The following AFF3 variants were observed in gnomAD, a reference collection of about 807,000 sequenced individuals.
AFF3 encodes the protein ALF transcription elongation factor 3.
AFF3 carries 32 observed loss-of-function variants against 129.7 expected under a neutral mutation model. The observed-to-expected ratio is 0.25, with a 90% CI of 0.19 to 0.33. The LOEUF (loss-of-function observed/expected upper bound fraction) is 0.33. Ranked by LOEUF, AFF3 falls within the 10% of genes least tolerant of loss-of-function variation. AFF3 has a pLI of 1.00. For synonymous variants in AFF3, 644 were observed against 635.4 expected (o/e 1.01, Z -0.20); for missense variants, 1,373 against 1,592.0 (o/e 0.86, Z 2.34).
chr2:100,114,328 T>C lies in AFF3; in HGVS notation c.-144-8745A>G, dbSNP rs566374893. On this transcript the variant is annotated intron_variant, in intron 2 of 24. Transcript: ENST00000672756. ...AGAGCTTTAGACAAAGATAGCACCC[T>C]TCTAAGGGTACGGCCCTGTGTGACT... Among the ~76,000 whole-genome samples, 21 of 152,314 alleles carry C rather than the reference T, an allele frequency of 1.4e-4. No homozygotes were observed. The South Asian group carries it at 4.3e-3, about 32-fold the overall frequency.
intron 13 of AFF3, among the ~76,000 whole-genome samples, chr2:99,633,478 C>T (rs1193637856): frequency 6.6e-6 from 1 of 152,162 alleles, no homozygotes; most frequent in Non-Finnish European, 1.5e-5. Context: ...GAAAGGAAAA[C>T]AGCTCCAGGG....
chr2:99,674,915 GCTTA>G (rs1156821127), intron 11 of AFF3, among the ~76,000 whole-genome samples: 1 of 152,186 alleles, frequency 6.6e-6, no homozygotes, highest in Non-Finnish European at 1.5e-5. Context: ...AGGGAATGCA[GCTTA>G]CTTCTGTTTA....
chr2:99,700,513 C>T (rs1303274699), intron 11 of AFF3, among the ~76,000 whole-genome samples: 5 of 152,234 alleles, frequency 3.3e-5, no homozygotes, highest in Non-Finnish European at 7.3e-5. Flanking sequence ...TCAAAATCTT[C>T]AGTTAAGATA....
intron 9 of AFF3, among the ~76,000 whole-genome samples, chr2:99,747,486 G>A (rs11888741): frequency 0.74 from 112,186 of 151,930 alleles, 42,287 homozygotes; most frequent in East Asian, 0.92. Context: ...ATGCCTAGCT[G>A]AAATTGTTAA....
At chr2:100,081,856 C>T (rs892146967) in intron 4 of AFF3, among the ~76,000 whole-genome samples, 9 of 152,130 alleles carry the variant, frequency 5.9e-5, no homozygotes, top group African/African-American at 2.2e-4. Flanking sequence ...AAATCAGATT[C>T]CAGTGAGTGG....
chr2:99,918,118 C>G (rs992471139), intron 7 of AFF3, among the ~76,000 whole-genome samples: 3 of 152,088 alleles, frequency 2.0e-5, no homozygotes, highest in Non-Finnish European at 2.9e-5. Context: ...AACTCTCTCG[C>G]TTATTATTTA....
At chr2:99,879,062 C>CACTG (rs1486165637) in intron 7 of AFF3, among the ~76,000 whole-genome samples, 1 of 152,156 alleles carries the variant, frequency 6.6e-6, no homozygotes, top group African/African-American at 2.4e-5. Context: ...GGGTAAGAAG[C>CACTG]ACTGAAGTGA....
At chr2:99,585,940 AGGCT>A (rs1325964672) in intron 16 of AFF3, among the ~76,000 whole-genome samples, 2 of 152,120 alleles carry the variant, frequency 1.3e-5, no homozygotes, top group East Asian at 3.9e-4. Context: ...CATATTGGCC[AGGCT>A]GGTCTTGAAC....
chr2:100,076,925 T>C lies in AFF3; in HGVS notation c.53+27477A>G, dbSNP rs563287686. Among the ~76,000 whole-genome samples, 170 of 152,274 alleles carry C rather than the reference T, an allele frequency of 1.1e-3. 1 individual carries two copies. The highest frequency in any genetic ancestry group is 2.0e-3 in the Non-Finnish European group (136 of 68,022). ...CAACCTCTGAATGTGTTCCCTTCTA[T>C]GACTTAAGAGACTGTGCAGATGTAA... On this transcript the variant is annotated intron_variant, in intron 4 of 24. Coordinates refer to ENST00000672756, the MANE Select transcript of AFF3 (RefSeq NM_001386135.1).
At chr2:99,642,360 CCT>C (rs768365648) in intron 13 of AFF3, among the ~76,000 whole-genome samples, 3 of 151,844 alleles carry the variant, frequency 2.0e-5, no homozygotes, top group African/African-American at 7.3e-5. Flanking sequence ...ATTTCTTCCC[CCT>C]GTGTGTTTGG....
intron 7 of AFF3, among the ~76,000 whole-genome samples, chr2:99,929,647 C>T (rs1320104821): frequency 2.0e-5 from 3 of 152,192 alleles, no homozygotes; most frequent in African/African-American, 7.2e-5. Flanking sequence ...ACAAAGCACA[C>T]TCTGACATCA....
chr2:100,045,674 AACC>A (rs1685777107), intron 4 of AFF3, among the ~76,000 whole-genome samples: 1 of 151,810 alleles, frequency 6.6e-6, no homozygotes, highest in Non-Finnish European at 1.5e-5. Flanking sequence ...CAGCAAGCCC[AACC>A]CTTCTTCTTC....
chr2:99,555,962 ATC>A (rs1674878059), intron 22 of AFF3, among the ~76,000 whole-genome samples: 2 of 152,194 alleles, frequency 1.3e-5, no homozygotes, highest in Admixed American at 1.3e-4. Context: ...AGGGGAGCTT[ATC>A]CTCCCTTTCT....
chr2:99,569,646 G>A (rs1676296582), intron 18 of AFF3, among the ~76,000 whole-genome samples: 1 of 152,160 alleles, frequency 6.6e-6, no homozygotes, highest in African/African-American at 2.4e-5. Context: ...ACTGATTTGA[G>A]TGTGTGTAAT....
chr2:99,986,080 A>G (rs1248038424), intron 7 of AFF3, among the ~76,000 whole-genome samples: 1 of 151,800 alleles, frequency 6.6e-6, no homozygotes, highest in Non-Finnish European at 1.5e-5. Context: ...GGGTGCCTAT[A>G]GTCCCAGCTA....
chr2:99,838,112 C>G (rs1396072441), intron 7 of AFF3, among the ~76,000 whole-genome samples: 1 of 152,176 alleles, frequency 6.6e-6, no homozygotes, highest in Non-Finnish European at 1.5e-5. Context: ...TCAGCCTGCC[C>G]TGTGCTGTGC....
chr2:99,760,770 C>A (rs1165890180), intron 8 of AFF3, among the ~76,000 whole-genome samples: 4 of 152,134 alleles, frequency 2.6e-5, no homozygotes, highest in African/African-American at 9.7e-5. Flanking sequence ...TAGCTGGCGA[C>A]CTTCGGATCT....
At chr2:99,892,571 A>C (rs908760702) in intron 7 of AFF3, among the ~76,000 whole-genome samples, 4 of 152,188 alleles carry the variant, frequency 2.6e-5, no homozygotes, top group African/African-American at 9.7e-5. Context: ...CTCTGAAAGA[A>C]AGCAGGCCTA....
intron 13 of AFF3, among the ~76,000 whole-genome samples, chr2:99,621,755 T>C (rs1228099616): frequency 6.6e-6 from 1 of 152,184 alleles, no homozygotes; most frequent in Non-Finnish European, 1.5e-5. Flanking sequence ...GGAGTAGAGT[T>C]TCCAGGCAGG....
Sources: allele counts gnomAD v4.1 joint callset (sites outside exome capture counted in the v4.1 genomes callset), GRCh38; gene constraint gnomAD v4.1.1; transcripts MANE v1.5; gene names NCBI Gene and HGNC (gene_info 2026-07-23, HGNC 2026-07-21).